MRPS9: variants seen among roughly 807,000 people sequenced by gnomAD.
The protein encoded by MRPS9 is mitochondrial ribosomal protein S9, also known as small ribosomal subunit protein uS9m.
A neutral mutation model predicts 59.9 loss-of-function variants in MRPS9; 45 were observed. The observed-to-expected ratio is 0.75, with a 90% CI of 0.59 to 0.96. The LOEUF is 0.96. Ranked by LOEUF, MRPS9 falls within the 40% of genes least tolerant of loss-of-function variation. The pLI is 0.00. For synonymous variants in MRPS9, 171 were observed against 166.8 expected (o/e 1.03, Z -0.19); for missense variants, 473 against 481.1 (o/e 0.98, Z 0.16).
At chr2:105,076,703 A>T (rs1680219143) in intron 4 of MRPS9, among the ~76,000 whole-genome samples, 1 of 152,246 alleles carries the variant, frequency 6.6e-6, no homozygotes, top group Non-Finnish European at 1.5e-5. Flanking sequence ...TTTTAAAGTA[A>T]TAGATATTAT....
At chr2:105,092,999 G>A (rs910770690) in intron 8 of MRPS9, among the ~76,000 whole-genome samples, 4 of 152,070 alleles carry the variant, frequency 2.6e-5, no homozygotes, top group Non-Finnish European at 2.9e-5. Flanking sequence ...GCCATTAGAC[G>A]TAGTCCAACT....
intron 9 of MRPS9, among the ~76,000 whole-genome samples, chr2:105,096,710 A>T (rs1680667466): frequency 6.6e-6 from 1 of 152,202 alleles, no homozygotes; most frequent in Non-Finnish European, 1.5e-5. Flanking sequence ...TACATTATAC[A>T]GATACACTTA....
chr2:105,085,053 G>T (rs1311093759), intron 5 of MRPS9, among the ~76,000 whole-genome samples: 2 of 152,154 alleles, frequency 1.3e-5, no homozygotes, highest in African/African-American at 4.8e-5. Context: ...ACTCCTGGGT[G>T]TGGACTTCCC....
At chr2:105,058,682 T>TCC (rs1558753514) in intron 2 of MRPS9, among the ~76,000 whole-genome samples, 1 of 151,144 alleles carries the variant, frequency 6.6e-6, no homozygotes, top group East Asian at 1.9e-4. Context: ...GAGTTTCTTT[T>TCC]TTTTTTTTTT....
At chr2:105,083,525 CACTA>C (rs1373472879) in intron 5 of MRPS9, among the ~76,000 whole-genome samples, 3 of 152,160 alleles carry the variant, frequency 2.0e-5, no homozygotes, top group African/African-American at 7.2e-5. Context: ...AATTAAAATT[CACTA>C]ACTAAAAGTA....
At chr2:105,043,936 A>AT (rs747143555) in intron 1 of MRPS9, among the ~76,000 whole-genome samples, 2,011 of 120,240 alleles carry the variant, frequency 0.017, 24 homozygotes, top group African/African-American at 0.044. Context: ...CCCGGCTGCA[A>AT]TTTTTTTTTT....
At chr2:105,041,033 TGA>T (rs1221510474) in intron 1 of MRPS9, among the ~76,000 whole-genome samples, 2 of 152,120 alleles carry the variant, frequency 1.3e-5, no homozygotes, top group Admixed American at 6.5e-5. Context: ...AGGGTTTTGG[TGA>T]GAGAATGGTG....
chr2:105,047,178 G>T (rs1238970354), intron 1 of MRPS9, among the ~76,000 whole-genome samples: 1 of 151,898 alleles, frequency 6.6e-6, no homozygotes, highest in Non-Finnish European at 1.5e-5. Context: ...CAGCAATACT[G>T]TATCTTCACA....
In MRPS9 at chr2:105,093,613, C is replaced by G. The variant is rs1333543444; in HGVS notation, c.904C>G (p.Leu302Val). The G allele has an allele frequency of 1.2e-6, 2 of 1,603,844 alleles. No homozygotes were observed. The highest frequency in any genetic ancestry group is 2.2e-5 in the East Asian group (1 of 44,568). ...AAAAGTAAATGGAATTGATTACCAG[C>G]TTTACTTCCCGATCACACAGGACAG... Reference protein sequence around the residue: ...RIKVNGIDYQLYFPITQDREQ... With the variant: ...RIKVNGIDYQVYFPITQDREQ... The change falls in exon 9 of 11, where the codon CTT becomes GTT. Residue 302 changes from leucine to valine, a missense_variant. Coordinates refer to ENST00000258455, the MANE Select transcript of MRPS9 (RefSeq NM_182640.3).
chr2:105,077,503 A>G (rs2104458397), intron 4 of MRPS9, among the ~76,000 whole-genome samples: 1 of 152,310 alleles, frequency 6.6e-6, no homozygotes, highest in Non-Finnish European at 1.5e-5. Context: ...TGGTGTATGT[A>G]GCATAAATAC....
chr2:105,084,257 T>G (rs1201736322), intron 5 of MRPS9, among the ~76,000 whole-genome samples: 1 of 148,746 alleles, frequency 6.7e-6, no homozygotes, highest in Non-Finnish European at 1.5e-5. Flanking sequence ...AATATATATA[T>G]ATATATATAT....
intron 2 of MRPS9, among the ~76,000 whole-genome samples, chr2:105,056,719 C>T (rs1400342055): frequency 6.6e-6 from 1 of 152,112 alleles, no homozygotes; most frequent in East Asian, 1.9e-4. Context: ...GAAATCTGGC[C>T]TTGCTGAATA....
intron 1 of MRPS9, among the ~76,000 whole-genome samples, chr2:105,043,331 G>A (rs116724284): frequency 0.011 from 1,684 of 152,220 alleles, 32 homozygotes; most frequent in African/African-American, 0.038. Flanking sequence ...CATAGTATCC[G>A]TTTCCCCTTC....
In MRPS9 at chr2:105,099,665, T is replaced by C; in HGVS notation, c.1100-5T>C. On this transcript the variant is annotated splice_region_variant and splice_polypyrimidine_tract_variant and intron_variant, in intron 10 of 10. Coordinates refer to ENST00000258455, the MANE Select transcript of MRPS9 (RefSeq NM_182640.3). ...TTCCTAAAGGCTTCTCTTTTTATGC[T>C]GCAGCTGGACTACTTACTACTGATC... 1.9e-6 allele frequency: 3 copies of C among 1,613,562 alleles called. No homozygotes were observed. Among genetic ancestry groups the C allele is most frequent in the Non-Finnish European group, 2.5e-6 (3 of 1,179,780 alleles).
chr2:105,074,909 A>T (rs1680177516), intron 4 of MRPS9, among the ~76,000 whole-genome samples: 1 of 152,124 alleles, frequency 6.6e-6, no homozygotes, highest in Non-Finnish European at 1.5e-5. Context: ...GGATGATTCA[A>T]GCTCATTACA....
chr2:105,080,831 A>G (rs887909372), intron 5 of MRPS9, among the ~76,000 whole-genome samples: 7 of 152,106 alleles, frequency 4.6e-5, no homozygotes, highest in Non-Finnish European at 8.8e-5. Context: ...TCTGCTTTTT[A>G]GAATTATCTG....
At chr2:105,050,506 C>A (rs571431507) in intron 2 of MRPS9, among the ~76,000 whole-genome samples, 51 of 152,170 alleles carry the variant, frequency 3.4e-4, no homozygotes, top group African/African-American at 1.2e-3. Flanking sequence ...AGCTGCTGTC[C>A]TCTTTTTGAG....
intron 2 of MRPS9, among the ~76,000 whole-genome samples, chr2:105,060,430 G>C (rs940421761): frequency 3.9e-5 from 6 of 152,008 alleles, no homozygotes; most frequent in African/African-American, 1.5e-4. Flanking sequence ...TACACGTGGC[G>C]CCACCGCGCC....
chr2:105,049,869 A>G (rs1033276620), intron 2 of MRPS9, among the ~76,000 whole-genome samples: 1 of 152,242 alleles, frequency 6.6e-6, no homozygotes, highest in Non-Finnish European at 1.5e-5. Context: ...TAGAGTAGCT[A>G]GCAAAGGAAG....
Sources: gnomAD v4.1 joint callset for allele counts (sites outside exome capture counted in the v4.1 genomes callset) on GRCh38, gnomAD v4.1.1 for gene constraint, MANE v1.5 for transcripts, NCBI Gene and HGNC (gene_info 2026-07-23, HGNC 2026-07-21) for gene names.